Variants in AMOT observed in about 807,000 individuals in gnomAD.
AMOT encodes angiomotin.
A neutral mutation model predicts 67.0 loss-of-function variants in AMOT; 11 were observed. The ratio of observed to expected loss-of-function variants is 0.16; its 90% CI spans 0.10 to 0.27. The LOEUF is 0.27. Ranked by LOEUF, AMOT falls within the 10% of genes least tolerant of loss-of-function variation. AMOT has a pLI of 1.00. For synonymous variants in AMOT, 326 were observed against 321.4 expected, an observed-to-expected ratio of 1.01 and a Z score of -0.15; for missense variants, 753 against 852.0, an observed-to-expected ratio of 0.88 and a Z score of 1.45.
At chrX:112,822,208 C>G in intron 4 of AMOT, 47 bp downstream of exon 4, 4 of 1,070,900 alleles carry the variant, frequency 3.7e-6, no homozygotes, top group Non-Finnish European at 4.8e-6. Flanking sequence ...ACAGCAGAAG[C>G]TGGTTGGGGA....
chrX:112,823,168 G>C lies in AMOT; in HGVS notation c.-42C>G. On this transcript the variant is annotated 5_prime_UTR_variant, in exon 4 of 14. Transcript: ENST00000371959. ...GCCTTGTGAAGAGAGAGAGAAATTG[G>C]GCACCTGGGCTGCCCTTGACCTGGG... 1 of 1,116,536 alleles carries C rather than the reference G, an allele frequency of 9.0e-7. No homozygotes were observed. Among genetic ancestry groups the C allele is most frequent in the South Asian group, 2.2e-5 (1 of 44,730 alleles). The allele number at this position is 1,116,536 out of a possible 1,213,427, so 92.0% of individuals were successfully genotyped here. A position where few individuals can be genotyped will look rare whatever the true frequency, so the allele number is the denominator to read the frequency against.
intron 10 of AMOT, among the ~76,000 whole-genome samples, chrX:112,787,580 G>T (rs1436706908): frequency 8.9e-6 from 1 of 111,739 alleles, no homozygotes; most frequent in African/African-American, 3.3e-5. Flanking sequence ...GTTAATTGTG[G>T]TGGTGGTTAC....
At chrX:112,804,779 A>C (rs939788183) in intron 8 of AMOT, among the ~76,000 whole-genome samples, 168 bp downstream of exon 8, 19 of 111,776 alleles carry the variant, frequency 1.7e-4, no homozygotes, top group Admixed American at 8.5e-4. Flanking sequence ...AAGAAGAGAA[A>C]AGAAAGCAAA....
rs139517376 is a variant in AMOT, at chrX:112,805,038, C to T, written c.1685G>A (p.Arg562His). 1.3e-5 allele frequency: 16 copies of T among 1,209,549 alleles called. No individual in the cohort carries two copies. Among genetic ancestry groups the T allele is most frequent in the South Asian group, 7.0e-5 (4 of 56,768 alleles). The change falls in exon 8 of 14, where the codon CGT (arginine) becomes CAT (histidine). Residue 562 changes from arginine to histidine, a missense_variant. Arg to His is a conservative substitution (Grantham distance 29, BLOSUM62 0). Around this residue, in one of 5 missense-constraint regions of AMOT, gnomAD observed 66 missense variants for 112.9 expected, o/e 0.58. Coordinates refer to ENST00000371959, the MANE Select transcript of AMOT (RefSeq NM_001113490.2). ...TCGTCTTTGGTCCTCATTGGTAGAA[C>T]GGGCAGTGGCCAGCTCCGCTTCCAG... Reference protein sequence around the residue: ...EKLEAELATARSTNEDQRRHI... With the variant: ...EKLEAELATAHSTNEDQRRHI...
rs961968016 is a variant in AMOT at position 112,778,378 on chromosome X, T to C, written c.*189A>G. On this transcript the variant is annotated 3_prime_UTR_variant, in exon 14 of 14. Transcript: ENST00000371959. ...TTAATCTGTCTTTAGAGGTACTCCC[T>C]AAGCATACCAAAATAGACTGGTGTT... 1 of 389,718 alleles carries C rather than the reference T, an allele frequency of 2.6e-6. No homozygotes were observed. Among genetic ancestry groups the C allele is most frequent in the Non-Finnish European group, 4.5e-6 (1 of 221,418 alleles). 32.1% of individuals were successfully genotyped at this position (389,718 alleles called of 1,213,427 possible).
intron 11 of AMOT, 149 bp downstream of exon 11, chrX:112,782,391 T>C: frequency 4.0e-6 from 3 of 753,155 alleles, no homozygotes; most frequent in Non-Finnish European, 6.0e-6. Flanking sequence ...GTAAAGGTCA[T>C]TGCATCTCAC....
intron 10 of AMOT, among the ~76,000 whole-genome samples, chrX:112,785,931 A>C (rs1187674309): frequency 8.9e-6 from 1 of 112,408 alleles, no homozygotes; most frequent in African/African-American, 3.2e-5. Flanking sequence ...TGTAAAAGGA[A>C]ACTGAGGAAA....
chrX:112,808,018 A>G (rs752051565), intron 7 of AMOT, among the ~76,000 whole-genome samples: 4 of 111,894 alleles, frequency 3.6e-5, no homozygotes, highest in Non-Finnish European at 5.6e-5. Context: ...AAACTCAAAC[A>G]AGTAGTTTCG....
intron 2 of AMOT, among the ~76,000 whole-genome samples, chrX:112,827,944 G>A (rs191354802): frequency 9.0e-6 from 1 of 111,436 alleles, no homozygotes; most frequent in Non-Finnish European, 1.9e-5. Flanking sequence ...CTAAATCTTG[G>A]TCAACTTGTT....
intron 2 of AMOT, among the ~76,000 whole-genome samples, chrX:112,830,621 G>C (rs923423776): frequency 8.9e-6 from 1 of 111,871 alleles, no homozygotes; most frequent in Non-Finnish European, 1.9e-5. Flanking sequence ...TTTCCACCAG[G>C]GCAGAGCAGG....
At chrX:112,832,954 G>A (rs1250375371) in intron 1 of AMOT, among the ~76,000 whole-genome samples, 1 of 112,039 alleles carries the variant, frequency 8.9e-6, no homozygotes, top group Admixed American at 9.5e-5. Context: ...TCCTCCTGCT[G>A]TTGCCTTGCA....
rs753668111 is a variant in AMOT at position 112,780,877 on chromosome X, T to C, written c.2473+9A>G. 3.3e-6 allele frequency: 4 copies of C among 1,204,621 alleles called. No individual in the cohort carries two copies. The African/African-American group carries it at 5.2e-5, about 16-fold the overall frequency. ...CGTGACTATAATCTTCCTTATTTAC[T>C]GTCATTACCTAGGCTCCCCTTCCAG... is the stretch of plus-strand genomic sequence containing the variant. On this transcript the variant is annotated intron_variant, in intron 12 of 13. Coordinates refer to ENST00000371959, the MANE Select transcript of AMOT (RefSeq NM_001113490.2).
intron 8 of AMOT, among the ~76,000 whole-genome samples, chrX:112,794,522 G>GA (rs1481781057): frequency 1.8e-5 from 2 of 111,623 alleles, no homozygotes; most frequent in African/African-American, 6.5e-5. Context: ...AGATAGGGTA[G>GA]AAAAAGACAA....
At chrX:112,833,214 C>T (rs1347834790) in intron 1 of AMOT, among the ~76,000 whole-genome samples, 1 of 111,361 alleles carries the variant, frequency 9.0e-6, no homozygotes, top group Non-Finnish European at 1.9e-5. Context: ...TTACATTTGG[C>T]TATAAAGCAT....
chrX:112,800,062 G>A (rs1257515938), intron 8 of AMOT, among the ~76,000 whole-genome samples: 1 of 110,400 alleles, frequency 9.1e-6, no homozygotes, highest in South Asian at 3.9e-4. Flanking sequence ...GTGAAACTCC[G>A]TCTTACTAAA....
intron 13 of AMOT, 124 bp downstream of exon 13, chrX:112,778,873 C>G: frequency 1.2e-6 from 1 of 806,757 alleles, no homozygotes; most frequent in Non-Finnish European, 1.8e-6. Flanking sequence ...TCTCTTCTCT[C>G]TCCTTTAGAA....
intron 1 of AMOT, among the ~76,000 whole-genome samples, chrX:112,833,022 C>G (rs1449199747): frequency 8.9e-6 from 1 of 112,131 alleles, no homozygotes; most frequent in African/African-American, 3.3e-5. Context: ...TAAACCCTGC[C>G]TTCCCAAGAA....
intron 2 of AMOT, among the ~76,000 whole-genome samples, chrX:112,831,573 C>T (rs1427209030): frequency 9.0e-6 from 1 of 110,627 alleles, no homozygotes; most frequent in Non-Finnish European, 1.9e-5. Context: ...GAGCTAATAG[C>T]TCCGGCAACA....
chrX:112,793,587 C>A (rs958434251), intron 8 of AMOT, among the ~76,000 whole-genome samples: 20 of 112,100 alleles, frequency 1.8e-4, no homozygotes, highest in African/African-American at 6.5e-4. Context: ...GTCGAAGGAA[C>A]CCTATCTTGT....
Sources: gnomAD v4.1 joint callset for allele counts (sites outside exome capture counted in the v4.1 genomes callset) on GRCh38, gnomAD v4.1.1 for gene constraint, gnomAD v4.1.1 regional missense constraint, MANE v1.5 for transcripts, NCBI Gene and HGNC (gene_info 2026-07-23, HGNC 2026-07-21) for gene names.